The following RIMBP2 variants were observed in gnomAD, a reference collection of about 807,000 sequenced individuals.
The protein encoded by RIMBP2 is RIMS-binding protein 2.
RIMBP2 carries 48 observed loss-of-function variants against 118.6 expected under a neutral mutation model. The observed-to-expected ratio is 0.40, with a 90% CI of 0.32 to 0.51. The LOEUF (loss-of-function observed/expected upper bound fraction) is 0.51, where lower values mean the gene tolerates loss of function less well. RIMBP2 is among the 20% of genes least tolerant of loss of function. The pLI is 0.41. For synonymous variants in RIMBP2, 762 were observed against 742.9 expected, an observed-to-expected ratio of 1.03 and a Z score of -0.42; for missense variants, 1,551 against 1,768.3, an observed-to-expected ratio of 0.88 and a Z score of 2.20.
chr12:130,639,466 T>A (rs1594123414), intron 1 of RIMBP2, among the ~76,000 whole-genome samples: 1 of 80,286 alleles, frequency 1.2e-5, no homozygotes. Flanking sequence ...CACTCCAGAC[T>A]AATAGAACAA....
rs11060921 is a variant in RIMBP2 at position 130,469,390 on chromosome 12, T to C, written c.153+1303A>G. The stretch of plus-strand genomic sequence containing the variant: ...GGCGGATTGAAGCCACACAGGGTCA[T>C]GTCAATGGGCTCCGGGGCAACTGGG... On this transcript the variant is annotated intron_variant, in intron 6 of 22. Coordinates refer to ENST00000690449, the MANE Select transcript of RIMBP2 (RefSeq NM_001393629.1). The surrounding 1 kb of genome is among the most constrained non-coding windows in gnomAD (Gnocchi z 4.8). Among the ~76,000 whole-genome samples the C allele has an allele frequency of 0.021, 3,136 of 152,258 alleles. 87 individuals carry two copies. The highest frequency in any genetic ancestry group is 0.16 in the East Asian group (827 of 5,156).
intron 5 of RIMBP2, among the ~76,000 whole-genome samples, chr12:130,478,547 G>A (rs772851574): frequency 2.2e-4 from 34 of 152,160 alleles, no homozygotes; most frequent in Non-Finnish European, 4.3e-4. Context: ...CCAGGATGGG[G>A]GTGGCAGGGT....
At chr12:130,504,086 T>C (rs1204761422) in intron 4 of RIMBP2, among the ~76,000 whole-genome samples, 3 of 152,226 alleles carry the variant, frequency 2.0e-5, no homozygotes, top group African/African-American at 4.8e-5. Context: ...TGTTCTCCCA[T>C]GATTGTTTTA....
Position 130,487,951 on chromosome 12 carries a change from C to T in RIMBP2, c.-3-8935G>A, listed in dbSNP as rs117917366. On this transcript the variant is annotated intron_variant, in intron 4 of 22. Coordinates refer to ENST00000690449, the MANE Select transcript of RIMBP2 (RefSeq NM_001393629.1). ...AGCAATGCTGTAACCTGCTTGGTAC[C>T]GTTCTAATTCCATGTAATTCTCACT... is the stretch of plus-strand genomic sequence containing the variant. Among the ~76,000 whole-genome samples, 466 of 152,248 alleles carry T rather than the reference C, an allele frequency of 3.1e-3. 4 individuals carry two copies. Among genetic ancestry groups the T allele is most frequent in the Non-Finnish European group, 2.0e-3 (139 of 68,026 alleles).
rs528216482 is a variant in RIMBP2 at position 130,461,956 on chromosome 12, A to G, written c.154-5256T>C. ...GCCTGACACACCCAGGGAATTTTCA[A>G]TTCACCGGAAGTCTCACATTTTAAA... is the stretch of plus-strand genomic sequence containing the variant. On this transcript the variant is annotated intron_variant, in intron 6 of 22. Coordinates refer to ENST00000690449, the MANE Select transcript of RIMBP2 (RefSeq NM_001393629.1). Among the ~76,000 whole-genome samples, 217 of 15,938 alleles carry G rather than the reference A, an allele frequency of 0.014. No homozygotes were observed. The Non-Finnish European group carries it at 0.29, about 21-fold the overall frequency. 10.5% of individuals were successfully genotyped at this position (15,938 alleles called of 152,430 possible).
intron 9 of RIMBP2, among the ~76,000 whole-genome samples, chr12:130,445,760 G>C (rs1054114672): frequency 6.6e-6 from 1 of 152,160 alleles, no homozygotes; most frequent in African/African-American, 2.4e-5. Context: ...AATGGGTGTA[G>C]AGTATTCCAC....
At position 130,688,742 on chromosome 12, in the gene RIMBP2, C is replaced by G. The variant is rs552279409; in HGVS notation, c.-352+27480G>C. Among the ~76,000 whole-genome samples, 1 of 152,328 alleles carries G rather than the reference C, an allele frequency of 6.6e-6. No homozygotes were observed. Among genetic ancestry groups the G allele is most frequent in the East Asian group, 1.9e-4 (1 of 5,148 alleles). ...CCCAAAACAGAGGCCACATGGCCCC[C>G]TTGGGGCTCATACAGAGACACAGAA... On this transcript the variant is annotated intron_variant, in intron 1 of 22. Coordinates refer to ENST00000690449, the MANE Select transcript of RIMBP2 (RefSeq NM_001393629.1). The surrounding 1 kb of genome is among the most constrained non-coding windows in gnomAD (Gnocchi z 4.7).
rs1041978838 is a variant in RIMBP2, at chr12:130,422,858, A to G, written c.3130-297T>C. Among the ~76,000 whole-genome samples, 5 of 152,110 alleles carry G rather than the reference A, an allele frequency of 3.3e-5. No individual in the cohort carries two copies. The highest frequency in any genetic ancestry group is 1.2e-4 in the African/African-American group (5 of 41,436). ...GAAGACAAATGTTTTGGGACCAAAG[A>G]GACAATGGCTTGAATACATCCCACC... On this transcript the variant is annotated intron_variant, in intron 16 of 22. Transcript: ENST00000690449. This position sits in a 1 kb window ranked among gnomAD's most constrained non-coding sequence, Gnocchi z 5.2.
At chr12:130,568,895 C>A (rs535633068) in intron 2 of RIMBP2, among the ~76,000 whole-genome samples, 9 of 152,146 alleles carry the variant, frequency 5.9e-5, no homozygotes, top group African/African-American at 1.7e-4. Context: ...TGGAAAAAAA[C>A]CCGAATTCCT....
intron 13 of RIMBP2, among the ~76,000 whole-genome samples, chr12:130,435,878 G>C (rs1463143389): frequency 1.3e-5 from 2 of 152,166 alleles, no homozygotes; most frequent in Admixed American, 6.5e-5. Flanking sequence ...TGTCCTCCTA[G>C]ACACACCTGA....
chr12:130,472,585 T>C (rs994454758), intron 5 of RIMBP2, among the ~76,000 whole-genome samples: 10 of 152,248 alleles, frequency 6.6e-5, no homozygotes. Context: ...TAGAGAAATA[T>C]TTCCTCTAGC....
chr12:130,442,790 G>A lies in RIMBP2; in HGVS notation c.692-130C>T, dbSNP rs1320527925. 3 of 713,972 alleles carry A rather than the reference G, an allele frequency of 4.2e-6. No individual in the cohort carries two copies. The highest frequency in any genetic ancestry group is 3.8e-5 in the South Asian group (2 of 52,848). 44.2% of individuals were successfully genotyped at this position (713,972 alleles called of 1,614,324 possible). On this transcript the variant is annotated intron_variant, in intron 10 of 22. Coordinates refer to ENST00000690449, the MANE Select transcript of RIMBP2 (RefSeq NM_001393629.1). The surrounding 1 kb of genome is among the most constrained non-coding windows in gnomAD (Gnocchi z 6.9). ...AGGGTTGCCCTGGGGCTCCTCCGCT[G>A]TTCCCAGGAGTCCATGCTGGGGCCA...
Position 130,434,931 on chromosome 12 carries a change from C to A in RIMBP2, c.2107-51G>T. The A allele has an allele frequency of 6.5e-7, 1 of 1,549,230 alleles. No homozygotes were observed. Among genetic ancestry groups the A allele is most frequent in the Non-Finnish European group, 8.7e-7 (1 of 1,147,436 alleles). On this transcript the variant is annotated intron_variant, in intron 13 of 22. Coordinates refer to ENST00000690449, the MANE Select transcript of RIMBP2 (RefSeq NM_001393629.1). This position sits in a 1 kb window ranked among gnomAD's most constrained non-coding sequence, Gnocchi z 5.7. ...GGTGAGGCAGGGCCACCTTCAGCTA[C>A]GCTCAGCCCCACCTGCATTCACCAA...
intron 9 of RIMBP2, among the ~76,000 whole-genome samples, chr12:130,445,897 A>G (rs1476583595): frequency 6.6e-6 from 1 of 152,192 alleles, no homozygotes; most frequent in Non-Finnish European, 1.5e-5. Context: ...GCACACTTCC[A>G]CAATTTCTTC....
At chr12:130,635,103 C>A (rs1009259185) in intron 1 of RIMBP2, among the ~76,000 whole-genome samples, 7 of 152,190 alleles carry the variant, frequency 4.6e-5, no homozygotes, top group Non-Finnish European at 1.0e-4. Context: ...GTTCTCCTTC[C>A]AGGGTTTCTT....
chr12:130,438,342 C>T (rs1566034548), intron 12 of RIMBP2, 23 bp downstream of exon 12: 5 of 1,410,108 alleles, frequency 3.5e-6, no homozygotes, highest in Middle Eastern at 3.6e-4. Flanking sequence ...CAAACCCTCC[C>T]CACCCACCCA....
chr12:130,435,124 A>G (rs1356352200), intron 13 of RIMBP2, among the ~76,000 whole-genome samples: 1 of 151,458 alleles, frequency 6.6e-6, no homozygotes, highest in Non-Finnish European at 1.5e-5. Flanking sequence ...TAGCTCACTG[A>G]AACCTCTGTC....
chr12:130,487,117 C>T (rs1409870947), intron 4 of RIMBP2, among the ~76,000 whole-genome samples: 1 of 152,362 alleles, frequency 6.6e-6, no homozygotes, highest in Non-Finnish European at 1.5e-5. Context: ...ACACTGGCTT[C>T]GCTCAGTTCC....
intron 1 of RIMBP2, among the ~76,000 whole-genome samples, chr12:130,650,925 C>T (rs1355206275): frequency 7.5e-6 from 1 of 134,144 alleles, no homozygotes; most frequent in East Asian, 2.1e-4. Flanking sequence ...GCAGCATTTT[C>T]TTGAACAAAA....
Sources: gnomAD v4.1 joint callset for allele counts (sites outside exome capture counted in the v4.1 genomes callset) on GRCh38, gnomAD v4.1.1 for gene constraint, Gnocchi (gnomAD v3.1) non-coding constraint, MANE v1.5 for transcripts, NCBI Gene and HGNC (gene_info 2026-07-23, HGNC 2026-07-21) for gene names.